Variants in SLC30A6 observed in about 807,000 individuals in gnomAD.
SLC30A6 encodes solute carrier family 30 member 6.
In SLC30A6, 55 loss-of-function variants were observed where a neutral mutation model predicts 63.0. That is an observed-to-expected ratio of 0.87 (90% CI 0.70 to 1.09). The LOEUF (loss-of-function observed/expected upper bound fraction) is 1.09, where lower values mean the gene tolerates loss of function less well. Among genes scored for constraint, SLC30A6 ranks in the 50% least tolerant of loss-of-function variants. The pLI is 0.00. For synonymous variants in SLC30A6, 224 were observed against 186.1 expected (o/e 1.20, Z -1.66); for missense variants, 587 against 549.2 (o/e 1.07, Z -0.69).
chr2:32,193,660 A>G (rs11895623), intron 7 of SLC30A6, among the ~76,000 whole-genome samples: 17,143 of 152,200 alleles, frequency 0.11, 1,010 homozygotes, highest in Middle Eastern at 0.21. Context: ...CTGTAGCAAG[A>G]TACTGTTAAT....
At chr2:32,204,497 C>T in intron 10 of SLC30A6, 93 bp from the exon 11 acceptor site, 1 of 727,616 alleles carries the variant, frequency 1.4e-6, no homozygotes, top group Non-Finnish European at 2.2e-6. Context: ...TTGCTCAGTC[C>T]TGTTGCTTTA....
At chr2:32,186,868 G>A (rs1035843645) in intron 5 of SLC30A6, among the ~76,000 whole-genome samples, 2 of 150,960 alleles carry the variant, frequency 1.3e-5, no homozygotes, top group East Asian at 1.9e-4. Context: ...GTGGTGGGGC[G>A]TGCCTGCATT....
intron 11 of SLC30A6, among the ~76,000 whole-genome samples, chr2:32,205,792 C>T (rs867306615): frequency 3.7e-4 from 56 of 151,212 alleles, no homozygotes; most frequent in Middle Eastern, 3.4e-3. Flanking sequence ...CTCAGCATCC[C>T]GAGTAGCTGG....
intron 1 of SLC30A6, among the ~76,000 whole-genome samples, chr2:32,170,247 C>T (rs1681079795): frequency 6.6e-6 from 1 of 152,086 alleles, no homozygotes; most frequent in African/African-American, 2.4e-5. Flanking sequence ...TTAAAAATAA[C>T]AACAGAGTAA....
chr2:32,189,301 C>CT (rs1426316679), intron 5 of SLC30A6, among the ~76,000 whole-genome samples: 1 of 84,660 alleles, frequency 1.2e-5, no homozygotes, highest in African/African-American at 4.5e-5. Context: ...TTTTTTTTTT[C>CT]TTTTTTTTGA....
intron 4 of SLC30A6, among the ~76,000 whole-genome samples, chr2:32,178,705 C>T (rs1291769628): frequency 6.6e-6 from 1 of 152,122 alleles, no homozygotes; most frequent in Non-Finnish European, 1.5e-5. Context: ...CAACAAACAC[C>T]AGTTCACTGT....
chr2:32,176,683 T>G (rs2148813410), intron 4 of SLC30A6, among the ~76,000 whole-genome samples: 1 of 152,020 alleles, frequency 6.6e-6, no homozygotes, highest in South Asian at 2.1e-4. Context: ...TTTATTGAGA[T>G]ACTATAATTC....
At chr2:32,176,556 G>C (rs1340162000) in intron 4 of SLC30A6, among the ~76,000 whole-genome samples, 2 of 151,496 alleles carry the variant, frequency 1.3e-5, no homozygotes, top group East Asian at 4.0e-4. Context: ...TACTCGGGAG[G>C]CTGAGGCAGG....
At chr2:32,196,770 A>G (rs1453872971) in intron 8 of SLC30A6, among the ~76,000 whole-genome samples, 4 of 152,152 alleles carry the variant, frequency 2.6e-5, no homozygotes, top group African/African-American at 9.7e-5. Flanking sequence ...GCTTAAAAGT[A>G]TAAAGAACTG....
chr2:32,188,765 G>T (rs183230001), intron 5 of SLC30A6, among the ~76,000 whole-genome samples: 9 of 152,298 alleles, frequency 5.9e-5, no homozygotes, highest in Non-Finnish European at 8.8e-5. Flanking sequence ...TGAATTTTAA[G>T]AAATGAATAC....
intron 4 of SLC30A6, among the ~76,000 whole-genome samples, chr2:32,183,611 C>T (rs942539135): frequency 6.7e-6 from 1 of 149,128 alleles, no homozygotes; most frequent in African/African-American, 2.5e-5. Flanking sequence ...TCACTTGAAC[C>T]TGGAAGGAAG....
chr2:32,192,786 T>A (rs1012320874), intron 6 of SLC30A6, 132 bp from the exon 7 acceptor site: 2 of 545,292 alleles, frequency 3.7e-6, no homozygotes, highest in African/African-American at 3.9e-5. Flanking sequence ...CCTTGCCTCA[T>A]CACTGCTAAT....
chr2:32,183,344 A>G (rs1682510098), intron 4 of SLC30A6, among the ~76,000 whole-genome samples: 1 of 152,052 alleles, frequency 6.6e-6, no homozygotes, highest in African/African-American at 2.4e-5. Context: ...ATTACAAAAT[A>G]CTTTGATGTC....
intron 12 of SLC30A6, among the ~76,000 whole-genome samples, chr2:32,207,622 G>T (rs1417924735): frequency 6.8e-6 from 1 of 146,262 alleles, no homozygotes; most frequent in East Asian, 2.0e-4. Context: ...TGATCCACCC[G>T]CCTCGGCCTC....
chr2:32,203,101 T>C, intron 10 of SLC30A6: 2 of 1,308,842 alleles, frequency 1.5e-6, no homozygotes, highest in African/African-American at 2.9e-5. Flanking sequence ...CTAAAAGACT[T>C]CAGAGAAGGT....
At position 32,223,562 on chromosome 2, in the gene SLC30A6, A is replaced by G. The variant is rs1326205329; in HGVS notation, c.*2849A>G. On this transcript the variant is annotated 3_prime_UTR_variant, in exon 14 of 14. Coordinates refer to ENST00000282587, the MANE Select transcript of SLC30A6 (RefSeq NM_017964.5). ...TCTGTAGAATGTATGCCCAATTGCT[A>G]AACGGATGTTGTGCCCAGAATTTTA... 6.6e-6 allele frequency: 1 copy of G among 152,248 alleles called. No individual in the cohort carries two copies. The highest frequency in any genetic ancestry group is 1.5e-5 in the Non-Finnish European group (1 of 68,038). 9.4% of individuals were successfully genotyped at this position (152,248 alleles called of 1,614,324 possible).
chr2:32,184,220 T>G, intron 4 of SLC30A6, 53 bp from the exon 5 acceptor site: 5 of 1,026,740 alleles, frequency 4.9e-6, no homozygotes, highest in Non-Finnish European at 6.9e-6. Context: ...TTAATTTATC[T>G]TCACATGTTC....
chr2:32,171,773 A>AC (rs1681240416), intron 2 of SLC30A6, among the ~76,000 whole-genome samples: 1 of 151,804 alleles, frequency 6.6e-6, no homozygotes, highest in Non-Finnish European at 1.5e-5. Context: ...GCTCACCGCA[A>AC]CCTCTGCCTC....
intron 4 of SLC30A6, 108 bp downstream of exon 4, chr2:32,175,469 A>G: frequency 1.1e-6 from 1 of 885,712 alleles, no homozygotes; most frequent in Admixed American, 2.6e-5. Flanking sequence ...GATATCTTAC[A>G]AGAAAACAAT....
Sources: allele counts gnomAD v4.1 joint callset (sites outside exome capture counted in the v4.1 genomes callset), GRCh38; gene constraint gnomAD v4.1.1; transcripts MANE v1.5; gene names NCBI Gene and HGNC (gene_info 2026-07-23, HGNC 2026-07-21).